Variants in VWC2 observed in about 807,000 individuals in gnomAD.
VWC2 encodes the protein von Willebrand factor C domain containing 2.
In VWC2, 14 loss-of-function variants were observed where a neutral mutation model predicts 29.8. That is an observed-to-expected ratio of 0.47 (90% CI 0.31 to 0.74). The LOEUF (loss-of-function observed/expected upper bound fraction) is 0.74, where lower values mean the gene tolerates loss of function less well. Among genes scored for constraint, VWC2 ranks in the 30% least tolerant of loss-of-function variants. The pLI is 0.05. For synonymous variants in VWC2, 213 were observed against 199.0 expected, an observed-to-expected ratio of 1.07 and a Z score of -0.59; for missense variants, 457 against 459.8, an observed-to-expected ratio of 0.99 and a Z score of 0.05.
rs1487250052 is a variant in VWC2, at chr7:49,911,912, A to AATACACGCAC, written c.827-121_827-120insTACACGCACA. 2.4e-5 allele frequency: 9 copies of AATACACGCAC among 379,570 alleles called. No individual in the cohort carries two copies. The East Asian group carries it at 4.5e-4, about 19-fold the overall frequency. The allele number at this position is 379,570 out of a possible 1,614,324, so 23.5% of individuals were successfully genotyped here. A position where few individuals can be genotyped will look rare whatever the true frequency, so the allele number is the denominator to read the frequency against. ...ACTCTGTCTCAAAAACAAACAAACAAACAAATACACGCACACACACACACA... is the reference window on the plus strand; with the variant it reads ...ACTCTGTCTCAAAAACAAACAAACAAATACACGCACACAAATACACGCACACACACACACA... On this transcript the variant is annotated intron_variant, in intron 3 of 3. Coordinates refer to ENST00000340652, the MANE Select transcript of VWC2 (RefSeq NM_198570.5).
At chr7:49,827,357 ATTTTTTTTAATTC>A (rs760097701) in intron 3 of VWC2, among the ~76,000 whole-genome samples, 17,068 of 51,964 alleles carry the variant, frequency 0.33, 1,189 homozygotes, top group Non-Finnish European at 0.41. Flanking sequence ...ATACTTTCAA[ATTTTTTTTAATTC>A]ATATTAATTC....
intron 3 of VWC2, among the ~76,000 whole-genome samples, chr7:49,879,357 G>A (rs1006880364): frequency 6.6e-6 from 1 of 151,994 alleles, no homozygotes; most frequent in African/African-American, 2.4e-5. Context: ...ATTATTTGCT[G>A]GATATTCTTT....
At chr7:49,783,316 AG>A (rs775554033) in intron 2 of VWC2, among the ~76,000 whole-genome samples, 4 of 152,062 alleles carry the variant, frequency 2.6e-5, no homozygotes, top group Non-Finnish European at 4.4e-5. Context: ...AGCTTGGGTC[AG>A]GGGGTCAAGG....
intron 3 of VWC2, among the ~76,000 whole-genome samples, chr7:49,911,307 C>T (rs989591954): frequency 6.6e-6 from 1 of 151,706 alleles, no homozygotes; most frequent in Non-Finnish European, 1.5e-5. Context: ...CATGGTGAAA[C>T]CCAATCTCTA....
chr7:49,899,836 C>T (rs1792616019), intron 3 of VWC2, among the ~76,000 whole-genome samples: 1 of 151,930 alleles, frequency 6.6e-6, no homozygotes, highest in African/African-American at 2.4e-5. Flanking sequence ...TAATTGACAT[C>T]TATTGACTAC....
rs913208014 is a variant in VWC2 at position 49,803,147 on chromosome 7, A to G, written c.826+307A>G. Among the ~76,000 whole-genome samples the G allele has an allele frequency of 2.0e-5, 3 of 152,214 alleles. No individual in the cohort carries two copies. In the South Asian group the frequency reaches 6.2e-4, roughly 31 times the overall value. On this transcript the variant is annotated intron_variant, in intron 3 of 3. Coordinates refer to ENST00000340652, the MANE Select transcript of VWC2 (RefSeq NM_198570.5). ...TGTTTGTTCTTGCAAAGCTGTTTCTATCTTTCCAAGACACATTAAACACAC... is the reference window on the plus strand; with the variant it reads ...TGTTTGTTCTTGCAAAGCTGTTTCTGTCTTTCCAAGACACATTAAACACAC...
At position 49,776,042 on chromosome 7, in the gene VWC2, G is replaced by A; in HGVS notation, c.607G>A (p.Asp203Asn). Residue 203 changes from aspartate to asparagine, a missense_variant, in exon 2 of 4, where the codon GAC (aspartate) becomes AAC (asparagine). By Grantham distance (23) the Asp-to-Asn change is conservative. This residue lies in a region of VWC2 where 185 missense variants were observed against 257.1 expected (regional missense o/e 0.72). Transcript: ENST00000340652. Reference sequence around the variant, plus strand: ...GCTGCACCCGCGCTGCATCCACGTCGACACGAGCCAGTGCTGCCCGCAGTG... The same window carrying A: ...GCTGCACCCGCGCTGCATCCACGTCAACACGAGCCAGTGCTGCCCGCAGTG... ...PRLHPRCIHVDTSQCCPQCKE... is the reference protein window; with the variant it reads ...PRLHPRCIHVNTSQCCPQCKE... The A allele has an allele frequency of 6.5e-7, 1 of 1,548,220 alleles. No homozygotes were observed. The highest frequency in any genetic ancestry group is 8.7e-7 in the Non-Finnish European group (1 of 1,152,826).
intron 3 of VWC2, among the ~76,000 whole-genome samples, chr7:49,849,367 G>T (rs984470369): frequency 6.6e-6 from 1 of 152,208 alleles, no homozygotes; most frequent in Non-Finnish European, 1.5e-5. Flanking sequence ...TGGCTAAGAA[G>T]GGAGTTTAGA....
chr7:49,892,956 ACTT>A (rs1470621168), intron 3 of VWC2, among the ~76,000 whole-genome samples: 5 of 10,998 alleles, frequency 4.5e-4, no homozygotes, highest in Non-Finnish European at 9.9e-4. Context: ...AAGAATCCTC[ACTT>A]AAGTTGTTTA....
intron 2 of VWC2, among the ~76,000 whole-genome samples, chr7:49,789,345 A>G (rs978109334): frequency 2.7e-5 from 4 of 147,792 alleles, no homozygotes; most frequent in African/African-American, 1.0e-4. Flanking sequence ...GTGTGAGTGT[A>G]TATGTGGCTG....
At chr7:49,842,323 C>G (rs1583664458) in intron 3 of VWC2, among the ~76,000 whole-genome samples, 2 of 152,082 alleles carry the variant, frequency 1.3e-5, no homozygotes, top group East Asian at 3.9e-4. Flanking sequence ...AAACCTAAAA[C>G]TATATTATCT....
intron 3 of VWC2, among the ~76,000 whole-genome samples, chr7:49,882,162 T>A (rs1336481409): frequency 2.0e-5 from 3 of 152,154 alleles, no homozygotes; most frequent in Admixed American, 6.5e-5. Context: ...AATCAATATT[T>A]GTTCTCTTCT....
intron 2 of VWC2, among the ~76,000 whole-genome samples, chr7:49,792,169 C>A (rs911005610): frequency 6.6e-6 from 1 of 152,324 alleles, no homozygotes; most frequent in African/African-American, 2.4e-5. Context: ...ATTTTAGTAT[C>A]CGAGTTGTTT....
intron 3 of VWC2, among the ~76,000 whole-genome samples, chr7:49,811,221 GACAA>G (rs1455165217): frequency 6.6e-6 from 1 of 152,142 alleles, no homozygotes; most frequent in African/African-American, 2.4e-5. Flanking sequence ...CAGCAAAAGA[GACAA>G]ACAAATGACA....
chr7:49,828,645 CAT>C (rs1057394305), intron 3 of VWC2, among the ~76,000 whole-genome samples: 106 of 152,152 alleles, frequency 7.0e-4, no homozygotes, highest in African/African-American at 2.4e-3. Context: ...CTGTATTTAC[CAT>C]GTCTTTTATT....
At chr7:49,889,125 A>T (rs539729514) in intron 3 of VWC2, among the ~76,000 whole-genome samples, 2 of 152,266 alleles carry the variant, frequency 1.3e-5, no homozygotes, top group South Asian at 4.1e-4. Context: ...TTCTGGGTAC[A>T]TTACAAATGA....
In VWC2 at chr7:49,774,026, A is replaced by G. The variant is rs1379812095; in HGVS notation, c.-191A>G. The stretch of plus-strand genomic sequence containing the variant: ...CACGCGGGTCGCCGGCCGGCCCAGG[A>G]TGGGCGCTGGCAACCCGGGCCCGCG... On this transcript the variant is annotated 5_prime_UTR_variant, in exon 1 of 4. An upstream start codon of the reference 5' UTR is lost. Coordinates refer to ENST00000340652, the MANE Select transcript of VWC2 (RefSeq NM_198570.5). The G allele has an allele frequency of 6.6e-6, 1 of 151,874 alleles. No homozygotes were observed. The highest frequency in any genetic ancestry group is 1.5e-5 in the Non-Finnish European group (1 of 68,046). 9.4% of individuals were successfully genotyped at this position (151,874 alleles called of 1,614,324 possible).
At chr7:49,871,195 A>T (rs1791134861) in intron 3 of VWC2, among the ~76,000 whole-genome samples, 2 of 152,150 alleles carry the variant, frequency 1.3e-5, no homozygotes, top group African/African-American at 2.4e-5. Flanking sequence ...AACGAATAAT[A>T]ATATCTATTG....
chr7:49,835,672 T>C (rs1192125124), intron 3 of VWC2, among the ~76,000 whole-genome samples: 1 of 152,164 alleles, frequency 6.6e-6, no homozygotes, highest in African/African-American at 2.4e-5. Context: ...CAGTGGAGAA[T>C]TACTGAAAAA....
Sources: gnomAD v4.1 joint callset for allele counts (sites outside exome capture counted in the v4.1 genomes callset) on GRCh38, gnomAD v4.1.1 for gene constraint, gnomAD v4.1.1 regional missense constraint, MANE v1.5 for transcripts, NCBI Gene and HGNC (gene_info 2026-07-23, HGNC 2026-07-21) for gene names.